PRELP: variants seen among roughly 807,000 people sequenced by gnomAD.
The protein encoded by PRELP is proline and arginine rich end leucine rich repeat protein.
In PRELP, 16 loss-of-function variants were observed where a neutral mutation model predicts 22.8. That is an observed-to-expected ratio of 0.70 (90% CI 0.47 to 1.06). The LOEUF (loss-of-function observed/expected upper bound fraction) is 1.06. Among genes scored for constraint, PRELP ranks in the 50% least tolerant of loss-of-function variants. The pLI is 0.00. For synonymous variants in PRELP, 233 were observed against 211.4 expected, an observed-to-expected ratio of 1.10 and a Z score of -0.89; for missense variants, 434 against 485.2, an observed-to-expected ratio of 0.89 and a Z score of 0.99.
rs749112592 is a variant in PRELP at position 203,483,559 on chromosome 1, C to T, written c.375C>T (p.Ala125=). 1.2e-6 allele frequency: 2 copies of T among 1,614,206 alleles called. No homozygotes were observed. Among genetic ancestry groups the T allele is most frequent in the South Asian group, 1.1e-5 (1 of 91,086 alleles). The change falls in exon 2 of 3, where the codon GCC becomes GCT. Residue 125 remains alanine, a synonymous_variant. Coordinates refer to ENST00000343110, the MANE Select transcript of PRELP (RefSeq NM_002725.4). The surrounding 1 kb of genome is among the most constrained non-coding windows in gnomAD (Gnocchi z 4.4). ...TCCCGGTGGAGTCCTTCCAGAATGC[C>T]ACAGGCCTGCGATGGATTAACCTGG... is the stretch of plus-strand genomic sequence containing the variant. ...TELPVESFQN[A]TGLRWINLDN... is the part of the protein sequence containing the mutation.
chr1:203,476,087 T>A (rs752383653), intron 1 of PRELP, 149 bp downstream of exon 1: 1 of 152,674 alleles, frequency 6.5e-6, no homozygotes, highest in Non-Finnish European at 1.5e-5. Context: ...AGTTCAAATT[T>A]AGTCTTCCTA....
intron 1 of PRELP, among the ~76,000 whole-genome samples, chr1:203,479,207 G>A (rs1660958562): frequency 6.6e-6 from 1 of 152,014 alleles, no homozygotes; most frequent in South Asian, 2.1e-4. Flanking sequence ...CCTAGCCCTG[G>A]GAGACAAACC....
In PRELP at chr1:203,487,062, AC is replaced by A; in HGVS notation, c.*182del. On this transcript the variant is annotated 3_prime_UTR_variant, in exon 3 of 3. Coordinates refer to ENST00000343110, the MANE Select transcript of PRELP (RefSeq NM_002725.4). ...CAGCCTCAGGAGCGAGACTTCAAGG[AC>A]TCAGTTTGGTTCCACCCAGTTGAAA... is the stretch of plus-strand genomic sequence containing the variant. 1.4e-6 allele frequency: 1 copy of A among 712,770 alleles called. No homozygotes were observed. The highest frequency in any genetic ancestry group is 2.2e-6 in the Non-Finnish European group (1 of 455,004). 44.2% of individuals were successfully genotyped at this position (712,770 alleles called of 1,614,324 possible). A position where few individuals can be genotyped will look rare whatever the true frequency, so the allele number is the denominator to read the frequency against.
At position 203,483,877 on chromosome 1, in the gene PRELP, C is replaced by T. The variant is rs773654507; in HGVS notation, c.693C>T (p.Asn231=). The T allele has an allele frequency of 1.9e-6, 3 of 1,614,132 alleles. No individual in the cohort carries two copies. Among genetic ancestry groups the T allele is most frequent in the Non-Finnish European group, 1.7e-6 (2 of 1,180,054 alleles). The change falls in exon 2 of 3, where the codon AAC becomes AAT. Residue 231 remains asparagine, a synonymous_variant. Transcript: ENST00000343110. This position sits in a 1 kb window ranked among gnomAD's most constrained non-coding sequence, Gnocchi z 4.4. The part of the protein sequence containing the change: ...KNLMQLNLAH[N]ILRKMPPRVP... The stretch of plus-strand genomic sequence containing the variant: ...TCATGCAGCTCAACCTGGCCCACAA[C>T]ATCCTGAGAAAGATGCCGCCCAGGG...
At chr1:203,486,172 AC>A (rs1451994537) in intron 2 of PRELP, among the ~76,000 whole-genome samples, 2 of 152,198 alleles carry the variant, frequency 1.3e-5, no homozygotes, top group African/African-American at 4.8e-5. Context: ...GCTCCAGGAT[AC>A]CATGGTTCAA....
Position 203,484,049 on chromosome 1 carries a change from A to G in PRELP, c.865A>G (p.Asn289Asp). Residue 289 changes from asparagine to aspartate, a missense_variant, in exon 2 of 3, where the codon AAT becomes GAT. Physicochemically the swap from Asn to Asp is conservative, Grantham distance 23. Transcript: ENST00000343110. ...CAGGGGACTCCCCAAGAACTCCTTT[A>G]ATATCTCCAACCTGCTTGTGCTCCA... ...TDRGLPKNSF[N>D]ISNLLVLHLS... 6.2e-7 allele frequency: 1 copy of G among 1,614,224 alleles called. No homozygotes were observed. The highest frequency in any genetic ancestry group is 8.5e-7 in the Non-Finnish European group (1 of 1,180,040).
chr1:203,488,512 T>G lies in PRELP; in HGVS notation c.*1631T>G, dbSNP rs1661136966. On this transcript the variant is annotated 3_prime_UTR_variant, in exon 3 of 3. Coordinates refer to ENST00000343110, the MANE Select transcript of PRELP (RefSeq NM_002725.4). ...TCCAGCTTGGGCGACAGAGTGAGACTCCGTCTCAAAAAAGAAAAAAAAAAG... is the reference window on the plus strand; with the variant it reads ...TCCAGCTTGGGCGACAGAGTGAGACGCCGTCTCAAAAAAGAAAAAAAAAAG... 1 of 151,814 alleles carries G rather than the reference T, an allele frequency of 6.6e-6. No homozygotes were observed. The highest frequency in any genetic ancestry group is 1.5e-5 in the Non-Finnish European group (1 of 68,022). The allele number at this position is 151,814 out of a possible 1,614,324, so 9.4% of individuals were successfully genotyped here.
In PRELP at chr1:203,483,334, T is replaced by C; in HGVS notation, c.150T>C (p.Asp50=). 6.2e-7 allele frequency: 1 copy of C among 1,614,034 alleles called. No homozygotes were observed. The highest frequency in any genetic ancestry group is 1.1e-5 in the South Asian group (1 of 91,070). ...CCACACCCAGCTTTCCTCAGCCTGA[T>C]GAACCAGCAGAGCCAACAGACCTGC... ...PRPTPSFPQP[D]EPAEPTDLPP... The change falls in exon 2 of 3, where the codon GAT becomes GAC. Residue 50 remains aspartate, a synonymous_variant. Transcript: ENST00000343110. This position sits in a 1 kb window ranked among gnomAD's most constrained non-coding sequence, Gnocchi z 4.4.
At chr1:203,484,202 C>A in intron 2 of PRELP, 45 bp downstream of exon 2, 1 of 1,584,974 alleles carries the variant, frequency 6.3e-7, no homozygotes, top group Admixed American at 1.7e-5. Context: ...AGGAGGTTGG[C>A]TTGTGTAGCA....
chr1:203,481,675 A>T (rs1398184884), intron 1 of PRELP, among the ~76,000 whole-genome samples: 1 of 152,170 alleles, frequency 6.6e-6, no homozygotes, highest in Non-Finnish European at 1.5e-5. Flanking sequence ...CTTTCCTTCC[A>T]ATACTCAGTG....
intron 2 of PRELP, 97 bp from the exon 3 acceptor site, chr1:203,486,609 C>A: frequency 1.6e-6 from 2 of 1,233,136 alleles, no homozygotes; most frequent in South Asian, 1.4e-5. Context: ...AGAGAGAAGT[C>A]TACAGTCCTT....
Position 203,483,687 on chromosome 1 carries a change from C to A in PRELP, c.503C>A (p.Ala168Asp), listed in dbSNP as rs762335688. 6.2e-7 allele frequency: 1 copy of A among 1,614,250 alleles called. No individual in the cohort carries two copies. The highest frequency in any genetic ancestry group is 1.1e-5 in the South Asian group (1 of 91,084). Residue 168 changes from alanine (A) to aspartate (D), a missense_variant, in exon 2 of 3, where the codon GCC becomes GAC. By Grantham distance (126) the Ala-to-Asp change is moderately radical. Transcript: ENST00000343110. The surrounding 1 kb of genome is among the most constrained non-coding windows in gnomAD (Gnocchi z 4.4). ...AACCAGTTGGAAGAGGTCCCCTCGGCCCTGCCCCGGAACCTGGAGCAGCTG... is the reference window on the plus strand; with the variant it reads ...AACCAGTTGGAAGAGGTCCCCTCGGACCTGCCCCGGAACCTGGAGCAGCTG... ...EKNQLEEVPS[A>D]LPRNLEQLRL... is the part of the protein sequence containing the mutation.
chr1:203,483,700 C>A lies in PRELP; in HGVS notation c.516C>A (p.Asn172Lys). 3 of 1,614,218 alleles carry A rather than the reference C, an allele frequency of 1.9e-6. No homozygotes were observed. Among genetic ancestry groups the A allele is most frequent in the Non-Finnish European group, 2.5e-6 (3 of 1,180,036 alleles). Residue 172 changes from asparagine (N) to lysine (K), a missense_variant, in exon 2 of 3, where the codon AAC becomes AAA. Physicochemically the swap from Asn to Lys is moderately conservative, Grantham distance 94. Coordinates refer to ENST00000343110, the MANE Select transcript of PRELP (RefSeq NM_002725.4). This position sits in a 1 kb window ranked among gnomAD's most constrained non-coding sequence, Gnocchi z 4.4. ...AGGTCCCCTCGGCCCTGCCCCGGAA[C>A]CTGGAGCAGCTGAGGCTGAGCCAGA... ...LEEVPSALPR[N>K]LEQLRLSQNH...
chr1:203,490,456 A>T lies in PRELP; in HGVS notation c.*3575A>T, dbSNP rs1661173116. The T allele has an allele frequency of 6.6e-6, 1 of 152,222 alleles. No individual in the cohort carries two copies. The highest frequency in any genetic ancestry group is 1.5e-5 in the Non-Finnish European group (1 of 68,046). 9.4% of individuals were successfully genotyped at this position (152,222 alleles called of 1,614,324 possible). On this transcript the variant is annotated 3_prime_UTR_variant, in exon 3 of 3. Coordinates refer to ENST00000343110, the MANE Select transcript of PRELP (RefSeq NM_002725.4). ...CAAGCTACATGTACTAAATTGTCGA[A>T]GGTCTCCCAGGAGCTCTGTACTGAG...
Position 203,491,198 on chromosome 1 carries a change from C to T in PRELP, c.*4317C>T, listed in dbSNP as rs1368095932. 2.6e-5 allele frequency: 4 copies of T among 152,210 alleles called. No homozygotes were observed. The highest frequency in any genetic ancestry group is 6.5e-5 in the Admixed American group (1 of 15,282). 9.4% of individuals were successfully genotyped at this position (152,210 alleles called of 1,614,324 possible). A position where few individuals can be genotyped will look rare whatever the true frequency, so the allele number is the denominator to read the frequency against. ...CACTGAACACCTTGCAACCCCCACC[C>T]CTGGCCACCAGAGAACAACCCCCTT... On this transcript the variant is annotated 3_prime_UTR_variant, in exon 3 of 3. Transcript: ENST00000343110. The surrounding 1 kb of genome is among the most constrained non-coding windows in gnomAD (Gnocchi z 4.4).
At position 203,483,844 on chromosome 1, in the gene PRELP, CAAG is replaced by C; in HGVS notation, c.663_665del (p.Lys221del). ...TCAAGCCCGACACCTTCCATGGCCT[CAAG>C]AACCTCATGCAGCTCAACCTGGCCC... On this transcript the variant is annotated inframe_deletion, in exon 2 of 3. Transcript: ENST00000343110. This position sits in a 1 kb window ranked among gnomAD's most constrained non-coding sequence, Gnocchi z 4.4. The C allele has an allele frequency of 6.2e-7, 1 of 1,614,136 alleles. No individual in the cohort carries two copies. The highest frequency in any genetic ancestry group is 1.6e-4 in the Middle Eastern group (1 of 6,062).
chr1:203,480,417 T>TGTGG (rs1394238810), intron 1 of PRELP, among the ~76,000 whole-genome samples: 1 of 152,094 alleles, frequency 6.6e-6, no homozygotes, highest in Non-Finnish European at 1.5e-5. Flanking sequence ...GAGCATAGAG[T>TGTGG]GTGGGTCTGA....
At chr1:203,477,372 C>T (rs1468058889) in intron 1 of PRELP, among the ~76,000 whole-genome samples, 1 of 152,168 alleles carries the variant, frequency 6.6e-6, no homozygotes, top group Non-Finnish European at 1.5e-5. Flanking sequence ...TAGGCCACCT[C>T]TTTTTTGGGG....
chr1:203,475,847 A>G lies in PRELP; in HGVS notation c.-108A>G, dbSNP rs568601434. The G allele has an allele frequency of 6.5e-6, 1 of 152,736 alleles. No individual in the cohort carries two copies. Among genetic ancestry groups the G allele is most frequent in the African/African-American group, 2.4e-5 (1 of 41,410 alleles). 9.5% of individuals were successfully genotyped at this position (152,736 alleles called of 1,614,324 possible). A position where few individuals can be genotyped will look rare whatever the true frequency, so the allele number is the denominator to read the frequency against. ...ACACCACTGGGAGATCAGATCTTCT[A>G]GCTGGCTCTCTGCTGCCACAGCTCC... is the stretch of plus-strand genomic sequence containing the variant. On this transcript the variant is annotated 5_prime_UTR_variant, in exon 1 of 3. Transcript: ENST00000343110.
Sources: gnomAD v4.1 joint callset for allele counts (sites outside exome capture counted in the v4.1 genomes callset) on GRCh38, gnomAD v4.1.1 for gene constraint, Gnocchi (gnomAD v3.1) non-coding constraint, MANE v1.5 for transcripts, NCBI Gene and HGNC (gene_info 2026-07-23, HGNC 2026-07-21) for gene names.